ROBO2: variants seen among roughly 807,000 people sequenced by gnomAD.
The protein encoded by ROBO2 is roundabout guidance receptor 2.
Under a neutral mutation model 160.8 loss-of-function variants are expected in ROBO2, and 53 were observed. The ratio of observed to expected loss-of-function variants is 0.33; its 90% CI spans 0.26 to 0.41. ROBO2 has a LOEUF of 0.41. Ranked by LOEUF, ROBO2 falls within the 10% of genes least tolerant of loss-of-function variation. The pLI, the probability that ROBO2 is intolerant of heterozygous loss-of-function variation, is 1.00. For missense variants in ROBO2, 1,577 were observed against 1,722.4 expected (o/e 0.92, Z 1.49); for synonymous variants, 664 against 611.7 (o/e 1.09, Z -1.26).
chr3:77,421,130 C>T (rs555815537), intron 2 of ROBO2, among the ~76,000 whole-genome samples: 1 of 152,192 alleles, frequency 6.6e-6, no homozygotes, highest in African/African-American at 2.4e-5. Context: ...TTTGGGCACG[C>T]TCTTTAATCC....
intron 2 of ROBO2, among the ~76,000 whole-genome samples, chr3:76,832,514 A>G (rs1025618235): frequency 2.0e-5 from 3 of 152,222 alleles, no homozygotes; most frequent in East Asian, 3.9e-4. Context: ...GAATCATGAT[A>G]CAAGATAAAT....
chr3:77,618,843 G>A (rs149770998), intron 22 of ROBO2, among the ~76,000 whole-genome samples: 19 of 152,182 alleles, frequency 1.2e-4, no homozygotes, highest in South Asian at 4.1e-4. Context: ...ACAACTTACC[G>A]TTAAACGCTG....
At chr3:76,234,477 A>G (rs1704813394) in intron 2 of ROBO2, among the ~76,000 whole-genome samples, 3 of 152,166 alleles carry the variant, frequency 2.0e-5, no homozygotes, top group South Asian at 4.1e-4. Flanking sequence ...TTAATTTTGG[A>G]CAAACCTAAC....
At chr3:77,317,204 C>T (rs1014496943) in intron 2 of ROBO2, 1 of 839,552 alleles carries the variant, frequency 1.2e-6, no homozygotes, top group South Asian at 1.3e-5. Flanking sequence ...ATGGAAGGCC[C>T]AGCAGTGTGG....
At chr3:77,606,901 A>T (rs1384212268) in intron 20 of ROBO2, among the ~76,000 whole-genome samples, 1 of 152,162 alleles carries the variant, frequency 6.6e-6, no homozygotes, top group Non-Finnish European at 1.5e-5. Flanking sequence ...GTCCTTTGTT[A>T]TTCTGCTCCA....
chr3:77,353,657 T>C (rs2068662217), intron 2 of ROBO2, among the ~76,000 whole-genome samples: 1 of 151,900 alleles, frequency 6.6e-6, no homozygotes, highest in Non-Finnish European at 1.5e-5. Context: ...ACTATAGGCA[T>C]GCACCACCAT....
chr3:76,385,443 T>A lies in ROBO2; in HGVS notation c.109+447841T>A, dbSNP rs531391378. ...GCCAATGGGCACCATTGCTATCTAG[T>A]TTACAGAAACTGCACAGTCTGTCAC... On this transcript the variant is annotated intron_variant, in intron 2 of 26. Transcript: ENST00000487694. Among the ~76,000 whole-genome samples the A allele has an allele frequency of 3.1e-3, 468 of 152,320 alleles. 1 individual carries two copies. The highest frequency in any genetic ancestry group is 5.2e-3 in the Non-Finnish European group (354 of 68,018).
intron 2 of ROBO2, among the ~76,000 whole-genome samples, chr3:77,334,163 A>G (rs543271961): frequency 1.3e-5 from 2 of 152,320 alleles, no homozygotes; most frequent in South Asian, 2.1e-4. Flanking sequence ...TCATTTCAGC[A>G]TTGTATTAAG....
chr3:75,917,232 C>G (rs922890528), intron 1 of ROBO2, among the ~76,000 whole-genome samples: 9 of 152,082 alleles, frequency 5.9e-5, no homozygotes, highest in Non-Finnish European at 1.3e-4. Context: ...TGTTCCCCTC[C>G]CTGTGTCCAC....
In ROBO2 at chr3:76,798,205, G is replaced by A. The variant is rs188730736; in HGVS notation, c.110-299809G>A. On this transcript the variant is annotated intron_variant, in intron 2 of 26. Coordinates refer to the ROBO2 transcript ENST00000487694. Reference sequence around the variant, plus strand: ...GAAAGAAAGAAAAAGAAGAAAGAAAGAGAAAGAGAAAAAGAAAGAAAGAGA... The same window carrying A: ...GAAAGAAAGAAAAAGAAGAAAGAAAAAGAAAGAGAAAAAGAAAGAAAGAGA... 3.7e-4 allele frequency among the ~76,000 whole-genome samples: 42 copies of A among 114,434 alleles called. 1 individual carries two copies. In the East Asian group the frequency reaches 1.0e-2, roughly 27 times the overall value. 75.1% of individuals were successfully genotyped at this position (114,434 alleles called of 152,430 possible). A position where few individuals can be genotyped will look rare whatever the true frequency, so the allele number is the denominator to read the frequency against.
At chr3:77,409,277 C>A (rs1035004085) in intron 2 of ROBO2, among the ~76,000 whole-genome samples, 5 of 151,744 alleles carry the variant, frequency 3.3e-5, no homozygotes, top group Non-Finnish European at 7.4e-5. Context: ...AAATCATGAA[C>A]TTTTATTTAG....
At chr3:76,519,308 G>A (rs1246113922) in intron 2 of ROBO2, among the ~76,000 whole-genome samples, 2 of 152,202 alleles carry the variant, frequency 1.3e-5, no homozygotes, top group Admixed American at 1.3e-4. Flanking sequence ...CGTGAGCAGA[G>A]TTGAGTAGTT....
intron 2 of ROBO2, among the ~76,000 whole-genome samples, chr3:76,280,804 C>T (rs1708189991): frequency 6.6e-6 from 1 of 151,930 alleles, no homozygotes; most frequent in Non-Finnish European, 1.5e-5. Context: ...GCCTTTCTTT[C>T]CCTCAGTGTC....
intron 2 of ROBO2, among the ~76,000 whole-genome samples, chr3:76,702,978 G>T (rs2093079453): frequency 6.6e-6 from 1 of 152,108 alleles, no homozygotes; most frequent in East Asian, 1.9e-4. Context: ...AGAACACAGA[G>T]ATGTTGAAGA....
At chr3:76,390,172 A>T (rs2077078602) in intron 2 of ROBO2, among the ~76,000 whole-genome samples, 1 of 152,178 alleles carries the variant, frequency 6.6e-6, no homozygotes, top group Non-Finnish European at 1.5e-5. Context: ...ACATTAAAAT[A>T]TGCCCCACAC....
chr3:76,005,461 G>A (rs2065994437), intron 2 of ROBO2, among the ~76,000 whole-genome samples: 1 of 152,112 alleles, frequency 6.6e-6, no homozygotes, highest in African/African-American at 2.4e-5. Context: ...CTAATGGAGG[G>A]GCTTAAGGTA....
chr3:76,073,593 G>A (rs981102333), intron 2 of ROBO2, among the ~76,000 whole-genome samples: 1 of 151,900 alleles, frequency 6.6e-6, no homozygotes, highest in East Asian at 1.9e-4. Flanking sequence ...GCCCGGCAGA[G>A]TATTCTTCTT....
chr3:77,557,013 C>A (rs12495983), intron 8 of ROBO2, among the ~76,000 whole-genome samples: 21,141 of 151,686 alleles, frequency 0.14, 1,643 homozygotes, highest in South Asian at 0.18. Flanking sequence ...CCGGTCAACT[C>A]TATATTTTTC....
chr3:77,573,143 A>G (rs967250538), intron 13 of ROBO2, among the ~76,000 whole-genome samples: 9 of 152,008 alleles, frequency 5.9e-5, no homozygotes, highest in African/African-American at 1.9e-4. Flanking sequence ...TTAAACTATG[A>G]TAAGGGATAT....
Sources: allele counts gnomAD v4.1 joint callset (sites outside exome capture counted in the v4.1 genomes callset), GRCh38; gene constraint gnomAD v4.1.1; transcripts MANE v1.5; gene names NCBI Gene and HGNC (gene_info 2026-07-23, HGNC 2026-07-21).